Variants in TASP1 observed in about 807,000 individuals in gnomAD.
TASP1 encodes taspase 1.
Under a neutral mutation model 56.6 loss-of-function variants are expected in TASP1, and 16 were observed. That is an observed-to-expected ratio of 0.28 (90% CI 0.19 to 0.43). The LOEUF is 0.43. TASP1 is among the 20% of genes least tolerant of loss of function. The probability of loss-of-function intolerance (pLI) is 1.00; values close to 1 mark genes in which losing one functional copy is unlikely to be tolerated. For missense variants in TASP1, 393 were observed against 511.6 expected, an observed-to-expected ratio of 0.77 and a Z score of 2.24; for synonymous variants, 179 against 184.2, an observed-to-expected ratio of 0.97 and a Z score of 0.23.
At chr20:13,201,084 G>A in the TASP1 span, among the ~76,000 whole-genome samples, 1 of 152,212 alleles carries the variant, frequency 6.6e-6, no homozygotes, top group South Asian at 2.1e-4. Flanking sequence ...AGGACTGCAA[G>A]GGACAAAGGG....
chr20:13,309,834 C>T, the TASP1 span, among the ~76,000 whole-genome samples: 1 of 147,372 alleles, frequency 6.8e-6, no homozygotes, highest in Non-Finnish European at 1.5e-5. Flanking sequence ...AGAAAACATT[C>T]TCATTTACAA....
At chr20:13,290,435 G>C in the TASP1 span, among the ~76,000 whole-genome samples, 1 of 152,190 alleles carries the variant, frequency 6.6e-6, no homozygotes, top group East Asian at 1.9e-4. Context: ...AGATCACAAG[G>C]TCAGGAGATC....
downstream of TASP1, among the ~76,000 whole-genome samples, chr20:13,387,011 T>C (rs2041167609): frequency 6.6e-6 from 1 of 152,024 alleles, no homozygotes. Context: ...AATTCTTACC[T>C]TCCTCTCACC....
the TASP1 span, chr20:13,270,526 ACAC>A: frequency 6.2e-7 from 1 of 1,613,518 alleles, no homozygotes; most frequent in Non-Finnish European, 8.5e-7. Context: ...GTGGGAAGTG[ACAC>A]CACATCAGAA....
At chr20:13,360,107 T>G in the TASP1 span, among the ~76,000 whole-genome samples, 1 of 151,868 alleles carries the variant, frequency 6.6e-6, no homozygotes, top group African/African-American at 2.4e-5. Context: ...TCGACCAAAT[T>G]GTTTTGCCTA....
Position 13,390,111 on chromosome 20 carries a change from A to C in TASP1, c.*249T>G. On this transcript the variant is annotated 3_prime_UTR_variant, in exon 14 of 14. Transcript: ENST00000337743. ...TTCTATTTCATCCACGGAGAAGCAA[A>C]CACACATACTCCACACATACACATA... is the stretch of plus-strand genomic sequence containing the variant. 5 of 368,768 alleles carry C rather than the reference A, an allele frequency of 1.4e-5. 1 individual carries two copies. In the South Asian group the frequency reaches 1.8e-4, roughly 14 times the overall value. The allele number at this position is 368,768 out of a possible 1,614,324, so 22.8% of individuals were successfully genotyped here.
chr20:13,306,980 T>G, the TASP1 span, among the ~76,000 whole-genome samples: 1 of 152,116 alleles, frequency 6.6e-6, no homozygotes, highest in Non-Finnish European at 1.5e-5. Context: ...AAGACCACAT[T>G]TGAATCCCTC....
chr20:13,605,921 T>C (rs1322681243), intron 4 of TASP1, among the ~76,000 whole-genome samples: 1 of 152,100 alleles, frequency 6.6e-6, no homozygotes, highest in Non-Finnish European at 1.5e-5. Context: ...AGGCCCTACA[T>C]GATCTGACCC....
the TASP1 span, among the ~76,000 whole-genome samples, chr20:13,284,926 G>C: frequency 6.6e-6 from 1 of 152,230 alleles, no homozygotes; most frequent in Non-Finnish European, 1.5e-5. Context: ...TCTGGCAGCT[G>C]TCTAGAGAGT....
At chr20:13,217,546 C>G in the TASP1 span, among the ~76,000 whole-genome samples, 1 of 151,780 alleles carries the variant, frequency 6.6e-6, no homozygotes, top group Admixed American at 6.6e-5. Context: ...AATAAGCCTG[C>G]CTGTAAGATA....
chr20:13,568,022 ATAAT>A (rs2046594791), intron 7 of TASP1, among the ~76,000 whole-genome samples: 4 of 152,242 alleles, frequency 2.6e-5, no homozygotes. Flanking sequence ...ACTGTAAGAC[ATAAT>A]TAGTGACAGG....
chr20:13,596,599 C>A (rs1409492732), intron 4 of TASP1, among the ~76,000 whole-genome samples: 1 of 152,028 alleles, frequency 6.6e-6, no homozygotes, highest in African/African-American at 2.4e-5. Context: ...AAAATCAACA[C>A]CGTAATATCA....
chr20:13,492,979 T>C (rs1475741338), intron 10 of TASP1, among the ~76,000 whole-genome samples: 1 of 152,168 alleles, frequency 6.6e-6, no homozygotes, highest in Non-Finnish European at 1.5e-5. Context: ...CTAAGTGCTT[T>C]ATACATATAT....
At chr20:13,339,563 C>A in the TASP1 span, among the ~76,000 whole-genome samples, 5 of 152,174 alleles carry the variant, frequency 3.3e-5, no homozygotes, top group African/African-American at 1.2e-4. Flanking sequence ...TTAGCCATTA[C>A]TGATTTTGAA....
chr20:13,250,210 G>T, the TASP1 span, among the ~76,000 whole-genome samples: 2 of 152,100 alleles, frequency 1.3e-5, no homozygotes, highest in Non-Finnish European at 2.9e-5. Context: ...GATGGCCTAG[G>T]TTTCAAATAT....
chr20:13,626,566 G>A (rs1009181969), intron 2 of TASP1, among the ~76,000 whole-genome samples: 3 of 152,152 alleles, frequency 2.0e-5, no homozygotes, highest in Admixed American at 6.5e-5. Context: ...GGTAGAGAAA[G>A]CACTCACCCA....
At chr20:13,324,974 T>G in the TASP1 span, among the ~76,000 whole-genome samples, 1 of 152,234 alleles carries the variant, frequency 6.6e-6, no homozygotes, top group African/African-American at 2.4e-5. Context: ...AGAAAATATT[T>G]GTTTCTTTTC....
At chr20:13,591,495 T>A (rs1413719789) in intron 4 of TASP1, among the ~76,000 whole-genome samples, 1 of 152,114 alleles carries the variant, frequency 6.6e-6, no homozygotes, top group Non-Finnish European at 1.5e-5. Context: ...ATGTCTTCAT[T>A]AAGTAAAGGC....
chr20:13,423,249 AG>A (rs1291426177), intron 12 of TASP1, among the ~76,000 whole-genome samples: 1 of 152,158 alleles, frequency 6.6e-6, no homozygotes, highest in Non-Finnish European at 1.5e-5. Context: ...TTTGATCACA[AG>A]CCACAGTAAA....
Sources: gnomAD v4.1 joint callset for allele counts (sites outside exome capture counted in the v4.1 genomes callset) on GRCh38, gnomAD v4.1.1 for gene constraint, MANE v1.5 for transcripts, NCBI Gene and HGNC (gene_info 2026-07-23, HGNC 2026-07-21) for gene names.